MTX2: variants seen among roughly 807,000 people sequenced by gnomAD.
MTX2 encodes metaxin 2.
A neutral mutation model predicts 42.3 loss-of-function variants in MTX2; 35 were observed. The observed-to-expected ratio is 0.83, with a 90% CI of 0.63 to 1.10. MTX2 has a LOEUF of 1.10. Ranked by LOEUF, MTX2 falls within the 50% of genes least tolerant of loss-of-function variation. MTX2 has a pLI of 0.00. For missense variants in MTX2, 307 were observed against 304.1 expected (o/e 1.01, Z -0.07); for synonymous variants, 119 against 100.9 (o/e 1.18, Z -1.08).
At chr2:176,277,139 A>C (rs1455356624) in intron 1 of MTX2, among the ~76,000 whole-genome samples, 3 of 152,178 alleles carry the variant, frequency 2.0e-5, no homozygotes, top group Non-Finnish European at 4.4e-5. Context: ...ATGTTTTTAA[A>C]AATTTGTTTT....
intron 3 of MTX2, among the ~76,000 whole-genome samples, chr2:176,308,212 C>A (rs920617882): frequency 2.0e-5 from 3 of 152,024 alleles, no homozygotes; most frequent in Admixed American, 2.0e-4. Context: ...TATTGATTTG[C>A]GTATGTTGAA....
intron 1 of MTX2, chr2:176,270,251 A>C: frequency 2.4e-6 from 2 of 823,150 alleles, no homozygotes; most frequent in East Asian, 1.3e-4. Context: ...GCTCACTGCA[A>C]CCTCCGCTTC....
At chr2:176,299,838 A>G (rs182538030) in intron 3 of MTX2, among the ~76,000 whole-genome samples, 1 of 152,098 alleles carries the variant, frequency 6.6e-6, no homozygotes, top group Non-Finnish European at 1.5e-5. Flanking sequence ...CAGATATCAA[A>G]CATCAGATAT....
intron 2 of MTX2, among the ~76,000 whole-genome samples, chr2:176,297,365 A>C (rs1349067507): frequency 6.6e-6 from 1 of 152,186 alleles, no homozygotes; most frequent in Non-Finnish European, 1.5e-5. Context: ...TTGTCAGAAG[A>C]CTGCAAAGTA....
chr2:176,278,104 G>T (rs1246774137), intron 1 of MTX2, among the ~76,000 whole-genome samples: 1 of 131,166 alleles, frequency 7.6e-6, no homozygotes, highest in Non-Finnish European at 1.5e-5. Context: ...AGGCTGGAGT[G>T]CAGTGGGGTG....
At chr2:176,281,771 G>A (rs1008392370) in intron 1 of MTX2, among the ~76,000 whole-genome samples, 25 of 152,108 alleles carry the variant, frequency 1.6e-4, no homozygotes, top group Admixed American at 1.4e-3. Context: ...GAAGGATGGG[G>A]ATAGATGGGG....
intron 3 of MTX2, among the ~76,000 whole-genome samples, chr2:176,300,741 C>G (rs920648282): frequency 1.3e-5 from 2 of 152,012 alleles, no homozygotes; most frequent in African/African-American, 2.4e-5. Context: ...CTCTTTGTTT[C>G]AAGTTTGCTC....
At chr2:176,314,369 A>G (rs1684387583) in intron 3 of MTX2, among the ~76,000 whole-genome samples, 1 of 151,902 alleles carries the variant, frequency 6.6e-6, no homozygotes, top group Non-Finnish European at 1.5e-5. Flanking sequence ...CCTGGGAGGC[A>G]GAGATTATGG....
chr2:176,328,757 G>A (rs985089732), intron 6 of MTX2, 117 bp from the exon 7 acceptor site: 66 of 888,986 alleles, frequency 7.4e-5, no homozygotes, highest in Middle Eastern at 3.5e-4. Flanking sequence ...AAAACAAACC[G>A]CTACATGTGT....
At chr2:176,293,285 C>T (rs550079510) in intron 1 of MTX2, among the ~76,000 whole-genome samples, 4 of 152,170 alleles carry the variant, frequency 2.6e-5, no homozygotes, top group African/African-American at 9.6e-5. Context: ...AAAAATCAGC[C>T]AGAATTACAT....
rs1685033138 is a variant in MTX2, at chr2:176,337,796, T to C, written c.*132T>C. ...ACCTCAAATTATATAATGTATCTTA[T>C]GTATGTGCTTTATATTGTTATTTGT... On this transcript the variant is annotated 3_prime_UTR_variant, in exon 10 of 10. Transcript: ENST00000249442. The C allele has an allele frequency of 5.5e-6, 4 of 733,076 alleles. No individual in the cohort carries two copies. Among genetic ancestry groups the C allele is most frequent in the Admixed American group, 2.8e-5 (1 of 35,970 alleles). 45.4% of individuals were successfully genotyped at this position (733,076 alleles called of 1,614,324 possible). A position where few individuals can be genotyped will look rare whatever the true frequency, so the allele number is the denominator to read the frequency against.
chr2:176,336,192 T>A (rs1684983030), intron 9 of MTX2, among the ~76,000 whole-genome samples: 1 of 152,174 alleles, frequency 6.6e-6, no homozygotes, highest in African/African-American at 2.4e-5. Flanking sequence ...TTTCTTGTTT[T>A]AGTAATAGTG....
At position 176,329,301 on chromosome 2, in the gene MTX2, A is replaced by G; in HGVS notation, c.418A>G (p.Ile140Val). The G allele has an allele frequency of 1.3e-6, 2 of 1,596,208 alleles. No homozygotes were observed. Among genetic ancestry groups the G allele is most frequent in the Non-Finnish European group, 8.5e-7 (1 of 1,171,708 alleles). The stretch of plus-strand genomic sequence containing the variant: ...TTTTTACAAAATCTTTTTACTTTAG[A>G]TCACTCATGCTAGGTATGGATCTCC... ...QWCDEATVGE[I>V]THARYGSPYP... The change falls in exon 8 of 10, where the codon ATC becomes GTC. Residue 140 changes from isoleucine to valine, a missense_variant and splice_region_variant. By Grantham distance (29) the Ile-to-Val change is conservative. Transcript: ENST00000249442.
At chr2:176,284,105 T>A (rs548287976) in intron 1 of MTX2, among the ~76,000 whole-genome samples, 86 of 152,232 alleles carry the variant, frequency 5.6e-4, no homozygotes, top group African/African-American at 1.9e-3. Context: ...TGGATTTTTT[T>A]CTTTTTTTTT....
intron 1 of MTX2, among the ~76,000 whole-genome samples, chr2:176,290,072 A>G (rs1228235573): frequency 6.6e-6 from 1 of 152,146 alleles, no homozygotes; most frequent in Non-Finnish European, 1.5e-5. Flanking sequence ...TAAAGGAGAA[A>G]TTAGATTTGC....
intron 9 of MTX2, among the ~76,000 whole-genome samples, chr2:176,335,763 G>A (rs916493519): frequency 6.6e-6 from 1 of 152,004 alleles, no homozygotes; most frequent in Non-Finnish European, 1.5e-5. Flanking sequence ...TTGGGATACT[G>A]TAAATTACTG....
intron 3 of MTX2, among the ~76,000 whole-genome samples, chr2:176,311,019 C>A (rs1558937166): frequency 6.6e-6 from 1 of 152,194 alleles, no homozygotes; most frequent in African/African-American, 2.4e-5. Context: ...TCTGGTTTCT[C>A]CCCATCTTTG....
chr2:176,296,027 A>G (rs1416729456), intron 1 of MTX2, among the ~76,000 whole-genome samples: 1 of 152,168 alleles, frequency 6.6e-6, no homozygotes, highest in South Asian at 2.1e-4. Context: ...CTGATATCCT[A>G]TATATTCTGT....
rs1353754911 is a variant in MTX2 at position 176,306,568 on chromosome 2, T to A, written c.135+8673T>A. Among the ~76,000 whole-genome samples the A allele has an allele frequency of 2.6e-5, 4 of 152,118 alleles. No homozygotes were observed. In the East Asian group the frequency reaches 5.8e-4, roughly 22 times the overall value. ...CTATTTCTCCACATCCTCTCCAGCA[T>A]CTGTTTTTTCCTGACTTTTTAATGA... is the stretch of plus-strand genomic sequence containing the variant. On this transcript the variant is annotated intron_variant, in intron 3 of 9. Coordinates refer to ENST00000249442, the MANE Select transcript of MTX2 (RefSeq NM_006554.5).
Sources: gnomAD v4.1 joint callset for allele counts (sites outside exome capture counted in the v4.1 genomes callset) on GRCh38, gnomAD v4.1.1 for gene constraint, MANE v1.5 for transcripts, NCBI Gene and HGNC (gene_info 2026-07-23, HGNC 2026-07-21) for gene names.